PEDS1: variants seen among roughly 807,000 people sequenced by gnomAD.
The protein encoded by PEDS1 is plasmanylethanolamine desaturase 1.
PEDS1 carries 14 observed loss-of-function variants against 35.2 expected under a neutral mutation model. The ratio of observed to expected loss-of-function variants is 0.40; its 90% CI spans 0.26 to 0.62. The LOEUF (loss-of-function observed/expected upper bound fraction) is 0.62, where lower values mean the gene tolerates loss of function less well. Among genes scored for constraint, PEDS1 ranks in the 20% least tolerant of loss-of-function variants. PEDS1 has a pLI of 0.44. For synonymous variants in PEDS1, 152 were observed against 152.0 expected, an observed-to-expected ratio of 1.00 and a Z score of 0.00; for missense variants, 260 against 367.8, an observed-to-expected ratio of 0.71 and a Z score of 2.40.
At position 50,120,662 on chromosome 20, in the gene PEDS1, C is replaced by G. The variant is rs1164514022; in HGVS notation, c.*4396G>C. ...CCAGCCTGGGCAACATGGTGAAACC[C>G]CATCTCTACAAAAAATACAAAAAGA... is the stretch of plus-strand genomic sequence containing the variant. On this transcript the variant is annotated 3_prime_UTR_variant, in exon 6 of 6. Transcript: ENST00000371652. 1 of 151,944 alleles carries G rather than the reference C, an allele frequency of 6.6e-6. No individual in the cohort carries two copies. The highest frequency in any genetic ancestry group is 1.5e-5 in the Non-Finnish European group (1 of 68,032). The allele number at this position is 151,944 out of a possible 1,614,324, so 9.4% of individuals were successfully genotyped here.
intron 1 of PEDS1, among the ~76,000 whole-genome samples, chr20:50,149,757 C>T (rs549420304): frequency 3.9e-5 from 6 of 152,154 alleles, no homozygotes; most frequent in African/African-American, 1.2e-4. Flanking sequence ...TCTGATGATC[C>T]GGAATACTCG....
At chr20:50,147,023 A>C (rs934515325) in intron 1 of PEDS1, among the ~76,000 whole-genome samples, 108 of 152,270 alleles carry the variant, frequency 7.1e-4, no homozygotes, top group African/African-American at 2.5e-3. Flanking sequence ...GGTGAGAAGG[A>C]AAGAACAAGT....
At chr20:50,150,267 C>G (rs2081389332) in intron 1 of PEDS1, among the ~76,000 whole-genome samples, 2 of 152,190 alleles carry the variant, frequency 1.3e-5, no homozygotes, top group Non-Finnish European at 2.9e-5. Flanking sequence ...TGGCTGTCAA[C>G]TGTCACAGTG....
At chr20:50,125,479 C>A (rs2081090590) in intron 5 of PEDS1, among the ~76,000 whole-genome samples, 1 of 152,192 alleles carries the variant, frequency 6.6e-6, no homozygotes, top group Admixed American at 6.5e-5. Context: ...TCAAATGCTA[C>A]CTCTGCCAGG....
Position 50,153,511 on chromosome 20 carries a change from T to C in PEDS1, c.121+6A>G. The C allele has an allele frequency of 7.2e-7, 1 of 1,386,914 alleles. No homozygotes were observed. Among genetic ancestry groups the C allele is most frequent in the Non-Finnish European group, 9.4e-7 (1 of 1,062,920 alleles). The allele number at this position is 1,386,914 out of a possible 1,614,324, so 85.9% of individuals were successfully genotyped here. A position where few individuals can be genotyped will look rare whatever the true frequency, so the allele number is the denominator to read the frequency against. ...GCAGGCCTGGAGGGGGGCCCAGAGG[T>C]CTTACCTGGCGAGTAGAGCGCAGCC... On this transcript the variant is annotated splice_donor_region_variant and intron_variant, in intron 1 of 5. Transcript: ENST00000371652.
chr20:50,134,403 C>A (rs1377833573), intron 2 of PEDS1, among the ~76,000 whole-genome samples: 2 of 152,178 alleles, frequency 1.3e-5, no homozygotes, highest in Non-Finnish European at 2.9e-5. Context: ...AAAAATTAGC[C>A]AGGGATGGTG....
chr20:50,146,936 A>G (rs113263783), intron 1 of PEDS1, among the ~76,000 whole-genome samples: 2,388 of 152,166 alleles, frequency 0.016, 63 homozygotes, highest in African/African-American at 0.052. Context: ...CCCCTTTCTG[A>G]TTCTTGTTTG....
chr20:50,130,312 C>G (rs1241470713), intron 3 of PEDS1, among the ~76,000 whole-genome samples: 1 of 152,118 alleles, frequency 6.6e-6, no homozygotes, highest in African/African-American at 2.4e-5. Flanking sequence ...TTCTTGGGAG[C>G]TGGAAGGATG....
At position 50,125,079 on chromosome 20, in the gene PEDS1, T is replaced by C. The variant is rs1056458908; in HGVS notation, c.792A>G (p.Lys264=). ...GAAGTTATTTGATCTTCTGGGCCCA[T>C]TTCATGTCATCTGCCCGAGGCTTCT... ...TGEKPRADDM[K]WAQKIK is the part of the protein sequence containing the mutation. Residue 264 remains lysine (K), a synonymous_variant, in exon 6 of 6, where the codon AAA becomes AAG. Transcript: ENST00000371652. The C allele has an allele frequency of 2.5e-6, 4 of 1,613,920 alleles. No individual in the cohort carries two copies. In the African/African-American group the frequency reaches 5.3e-5, roughly 22 times the overall value.
At chr20:50,131,058 C>A in intron 2 of PEDS1, 111 bp from the exon 3 acceptor site, 3 of 1,580,088 alleles carry the variant, frequency 1.9e-6, no homozygotes, top group East Asian at 2.3e-5. Context: ...GAAGGTGTCC[C>A]TTCTTCTCTA....
In PEDS1 at chr20:50,128,327, C is replaced by T. The variant is rs1194101268; in HGVS notation, c.479-140G>A. On this transcript the variant is annotated intron_variant, in intron 4 of 5. Transcript: ENST00000371652. The surrounding 1 kb of genome is among the most constrained non-coding windows in gnomAD (Gnocchi z 5.2). ...GATTCTCTTCCACCCCCTGCAGGGC[C>T]GCAGGCAAGCTCAGGTGCTGCCCTG... 1.8e-5 allele frequency: 19 copies of T among 1,039,542 alleles called. No homozygotes were observed. The highest frequency in any genetic ancestry group is 2.6e-5 in the East Asian group (1 of 38,434). 64.4% of individuals were successfully genotyped at this position (1,039,542 alleles called of 1,614,324 possible).
intron 2 of PEDS1, among the ~76,000 whole-genome samples, chr20:50,141,654 G>A (rs3746559): frequency 0.3 from 45,098 of 152,188 alleles, 6,827 homozygotes; most frequent in Middle Eastern, 0.43. Flanking sequence ...ATCCCCAGAT[G>A]AGGCTGCAAA....
At chr20:50,137,243 G>A (rs1160367292) in intron 2 of PEDS1, among the ~76,000 whole-genome samples, 5 of 152,050 alleles carry the variant, frequency 3.3e-5, no homozygotes, top group African/African-American at 1.2e-4. Context: ...TGTTGTCCAG[G>A]CTGACCAGTG....
intron 1 of PEDS1, 51 bp from the exon 2 acceptor site, chr20:50,143,672 G>A (rs1166243932): frequency 1.9e-6 from 3 of 1,605,518 alleles, no homozygotes; most frequent in East Asian, 2.2e-5. Context: ...AGGCCAGGCA[G>A]AGTGTGGCCC....
chr20:50,136,147 G>A (rs529250621), intron 2 of PEDS1, among the ~76,000 whole-genome samples: 225 of 151,850 alleles, frequency 1.5e-3, no homozygotes, highest in Middle Eastern at 6.8e-3. Context: ...ACCAGGCCCC[G>A]TGCCAACGCC....
intron 2 of PEDS1, among the ~76,000 whole-genome samples, chr20:50,138,785 G>A (rs1415923611): frequency 2.0e-5 from 3 of 152,184 alleles, no homozygotes; most frequent in Non-Finnish European, 2.9e-5. Flanking sequence ...GCTGGCAGCC[G>A]GCTCCCCCTG....
Position 50,153,223 on chromosome 20 carries a change from C to T in PEDS1, c.121+294G>A, listed in dbSNP as rs114785023. Among the ~76,000 whole-genome samples the T allele has an allele frequency of 3.6e-3, 546 of 152,042 alleles. 3 individuals carry two copies. Among genetic ancestry groups the T allele is most frequent in the African/African-American group, 0.012 (517 of 41,466 alleles). ...GCACTCTTCACAACCGAGAATGCCC[C>T]GGGGCTAGGATTCCGTATCTGCGGG... On this transcript the variant is annotated intron_variant, in intron 1 of 5. Coordinates refer to ENST00000371652, the MANE Select transcript of PEDS1 (RefSeq NM_199129.4).
rs1007756231 is a variant in PEDS1, at chr20:50,153,722, A to C, written c.-85T>G. The C allele has an allele frequency of 1.8e-6, 2 of 1,106,022 alleles. No homozygotes were observed. The highest frequency in any genetic ancestry group is 1.1e-6 in the Non-Finnish European group (1 of 908,906). 68.5% of individuals were successfully genotyped at this position (1,106,022 alleles called of 1,614,324 possible). A position where few individuals can be genotyped will look rare whatever the true frequency, so the allele number is the denominator to read the frequency against. On this transcript the variant is annotated 5_prime_UTR_variant, in exon 1 of 6. Coordinates refer to ENST00000371652, the MANE Select transcript of PEDS1 (RefSeq NM_199129.4). ...AACCGCGGCGAGATCACGCCGCCCA[A>C]TGACCGCCCAGCGCCGGGCGCGGCG... is the stretch of plus-strand genomic sequence containing the variant.
intron 2 of PEDS1, among the ~76,000 whole-genome samples, chr20:50,140,574 C>G (rs575951781): frequency 2.7e-5 from 4 of 148,640 alleles, no homozygotes; most frequent in African/African-American, 1.0e-4. Flanking sequence ...CTTGGATGCC[C>G]CTCCCCAAGA....
Sources: allele counts gnomAD v4.1 joint callset (sites outside exome capture counted in the v4.1 genomes callset), GRCh38; gene constraint gnomAD v4.1.1; non-coding constraint Gnocchi (gnomAD v3.1); transcripts MANE v1.5; gene names NCBI Gene and HGNC (gene_info 2026-07-23, HGNC 2026-07-21).